Variants in HIVEP2 observed in about 807,000 individuals in gnomAD.
HIVEP2 encodes the protein transcription factor HIVEP2.
In HIVEP2, 14 loss-of-function variants were observed where a neutral mutation model predicts 180.7. The ratio of observed to expected loss-of-function variants is 0.08; its 90% CI spans 0.05 to 0.12. The LOEUF (loss-of-function observed/expected upper bound fraction) is 0.12. Ranked by LOEUF, HIVEP2 falls within the 10% of genes least tolerant of loss-of-function variation. The pLI is 1.00. For synonymous variants in HIVEP2, 1,184 were observed against 1,136.4 expected (o/e 1.04, Z -0.84); for missense variants, 2,579 against 3,008.5 (o/e 0.86, Z 3.34).
chr6:142,822,575 G>A lies in HIVEP2; in HGVS notation c.-528+14360C>T, dbSNP rs549028441. Among the ~76,000 whole-genome samples the A allele has an allele frequency of 1.6e-3, 239 of 152,300 alleles. 2 individuals carry two copies. The highest frequency in any genetic ancestry group is 5.2e-3 in the African/African-American group (218 of 41,554). On this transcript the variant is annotated intron_variant, in intron 2 of 9. Transcript: ENST00000367603. ...ATAATGAAGGAAGTGCTAAACTTCA[G>A]TTAGAGATTAATGAAACAGTTTTTT... is the stretch of plus-strand genomic sequence containing the variant.
At chr6:142,784,910 CG>C (rs1328895888) in intron 2 of HIVEP2, among the ~76,000 whole-genome samples, 10 of 152,002 alleles carry the variant, frequency 6.6e-5, no homozygotes, top group Admixed American at 6.6e-4. Context: ...TTTTTTGAGA[CG>C]GAGTCTTGCT....
chr6:142,871,996 A>G (rs914671006), intron 1 of HIVEP2, among the ~76,000 whole-genome samples: 26 of 152,236 alleles, frequency 1.7e-4, no homozygotes, highest in Admixed American at 1.7e-3. Flanking sequence ...CACAGGGAAC[A>G]GTCCTCAGAA....
intron 2 of HIVEP2, among the ~76,000 whole-genome samples, chr6:142,835,051 G>A (rs1299598981): frequency 1.3e-5 from 2 of 152,136 alleles, no homozygotes; most frequent in Non-Finnish European, 1.5e-5. Context: ...AATCAGTCAC[G>A]TGATAGATGA....
At chr6:142,854,878 C>T (rs146315022) in intron 1 of HIVEP2, among the ~76,000 whole-genome samples, 193 of 152,232 alleles carry the variant, frequency 1.3e-3, no homozygotes, top group African/African-American at 4.4e-3. Context: ...CCTACTGGGC[C>T]GGATGTAGGA....
intron 1 of HIVEP2, among the ~76,000 whole-genome samples, chr6:142,932,634 T>C (rs1427513250): frequency 6.6e-6 from 1 of 152,192 alleles, no homozygotes; most frequent in Non-Finnish European, 1.5e-5. Context: ...TTGCTATCTT[T>C]AAATAATTGT....
chr6:142,877,131 TTTTC>T (rs371245530), intron 1 of HIVEP2, among the ~76,000 whole-genome samples: 2 of 152,214 alleles, frequency 1.3e-5, no homozygotes, highest in African/African-American at 2.4e-5. Flanking sequence ...ATTTTTGCCC[TTTTC>T]TTTATTATCA....
chr6:142,789,273 C>T (rs1232059651), intron 2 of HIVEP2, among the ~76,000 whole-genome samples: 1 of 152,214 alleles, frequency 6.6e-6, no homozygotes, highest in Non-Finnish European at 1.5e-5. Context: ...ATAGTGTTCT[C>T]CAGTCATTCT....
rs1005845873 is a variant in HIVEP2, at chr6:142,773,588, G to A, written c.1151C>T (p.Ser384Leu). 2.5e-6 allele frequency: 4 copies of A among 1,614,202 alleles called. No individual in the cohort carries two copies. The highest frequency in any genetic ancestry group is 3.4e-6 in the Non-Finnish European group (4 of 1,180,032). The change falls in exon 5 of 10, where the codon TCG becomes TTG. Residue 384 changes from serine (S) to leucine (L), a missense_variant. Transcript: ENST00000367603. ...SEKKGQDSEPSLNLLSPHSKG... is the reference protein window; with the variant it reads ...SEKKGQDSEPLLNLLSPHSKG... ...ACTGTGCGGGCTCAGAAGGTTGAGC[G>A]ATGGCTCAGAATCTTGTCCTTTTTT...
In HIVEP2 at chr6:142,851,488, TA is replaced by T. The variant is rs1463312126; in HGVS notation, c.-640-14442del. On this transcript the variant is annotated intron_variant, in intron 1 of 9. Transcript: ENST00000367603. The stretch of plus-strand genomic sequence containing the variant: ...TTGAAACAATCATCACAGAGAAAAA[TA>T]AAAGAAAGCAACATTTACTGAGTAT... Among the ~76,000 whole-genome samples, 4 of 152,098 alleles carry T rather than the reference TA, an allele frequency of 2.6e-5. No homozygotes were observed. In the South Asian group the frequency reaches 8.3e-4, roughly 32 times the overall value.
chr6:142,802,689 G>C (rs961910057), intron 2 of HIVEP2, among the ~76,000 whole-genome samples: 1 of 151,918 alleles, frequency 6.6e-6, no homozygotes, highest in African/African-American at 2.4e-5. Flanking sequence ...CATAAACAAA[G>C]CTTAAAGTTT....
intron 1 of HIVEP2, among the ~76,000 whole-genome samples, chr6:142,902,513 A>T (rs1474357427): frequency 6.6e-6 from 1 of 152,252 alleles, no homozygotes; most frequent in African/African-American, 2.4e-5. Flanking sequence ...TCTTTAAAAC[A>T]GTTAACAACC....
intron 1 of HIVEP2, among the ~76,000 whole-genome samples, chr6:142,935,402 A>C (rs1431964006): frequency 6.6e-6 from 1 of 152,168 alleles, no homozygotes; most frequent in Non-Finnish European, 1.5e-5. Flanking sequence ...TGCAAAAATT[A>C]GCTCAGTATG....
At chr6:142,831,462 G>A (rs187575438) in intron 2 of HIVEP2, among the ~76,000 whole-genome samples, 86 of 152,248 alleles carry the variant, frequency 5.6e-4, no homozygotes, top group African/African-American at 1.9e-3. Flanking sequence ...TCTCCCTGAA[G>A]CGCAGCTCTG....
intron 2 of HIVEP2, among the ~76,000 whole-genome samples, chr6:142,836,236 ATCAGTATCATATAAATT>A (rs1775218993): frequency 6.6e-6 from 1 of 152,202 alleles, no homozygotes; most frequent in African/African-American, 2.4e-5. Context: ...AAGCCCTAAA[ATCAGTATCATATAAATT>A]TCTGATGCCA....
At chr6:142,817,408 T>C (rs1467802699) in intron 2 of HIVEP2, among the ~76,000 whole-genome samples, 1 of 152,192 alleles carries the variant, frequency 6.6e-6, no homozygotes, top group Non-Finnish European at 1.5e-5. Context: ...ATATACACCA[T>C]GAAGTGACAA....
intron 2 of HIVEP2, among the ~76,000 whole-genome samples, chr6:142,811,027 T>C (rs1296220499): frequency 6.6e-6 from 1 of 152,192 alleles, no homozygotes; most frequent in East Asian, 1.9e-4. Context: ...GCGGTACATG[T>C]GTACACCATA....
At chr6:142,869,785 C>T (rs1409982451) in intron 1 of HIVEP2, among the ~76,000 whole-genome samples, 2 of 152,114 alleles carry the variant, frequency 1.3e-5, no homozygotes, top group African/African-American at 4.8e-5. Context: ...AATTATTTTA[C>T]TCTACTCTCC....
At chr6:142,899,920 A>G (rs1777090566) in intron 1 of HIVEP2, among the ~76,000 whole-genome samples, 2 of 152,222 alleles carry the variant, frequency 1.3e-5, no homozygotes, top group African/African-American at 2.4e-5. Context: ...CTGATACTCA[A>G]CCTCAAGTTT....
In HIVEP2 at chr6:142,770,602, G is replaced by A; in HGVS notation, c.4137C>T (p.Val1379=). The stretch of plus-strand genomic sequence containing the variant: ...CTATCCCTTGCATGGCTGCGTTGGT[G>A]ACCAGTGTCCTTTGGGTCATATTCT... ...VDENMTQRTL[V]TNAAMQGIGF... Residue 1379 remains valine (V), a synonymous_variant, in exon 5 of 10, where the codon GTC becomes GTT. Transcript: ENST00000367603. The surrounding 1 kb of genome is among the most constrained non-coding windows in gnomAD (Gnocchi z 4.7). 6.2e-7 allele frequency: 1 copy of A among 1,614,174 alleles called. No individual in the cohort carries two copies. The highest frequency in any genetic ancestry group is 8.5e-7 in the Non-Finnish European group (1 of 1,180,044).
Sources: allele counts gnomAD v4.1 joint callset (sites outside exome capture counted in the v4.1 genomes callset), GRCh38; gene constraint gnomAD v4.1.1; non-coding constraint Gnocchi (gnomAD v3.1); transcripts MANE v1.5; gene names NCBI Gene and HGNC (gene_info 2026-07-23, HGNC 2026-07-21).